Variants in PRKAG2 observed in about 807,000 individuals in gnomAD.
PRKAG2 encodes the protein protein kinase AMP-activated non-catalytic subunit gamma 2, also known as 5'-AMP-activated protein kinase subunit gamma-2.
PRKAG2 carries 26 observed loss-of-function variants against 69.6 expected under a neutral mutation model. The observed-to-expected ratio is 0.37, with a 90% CI of 0.27 to 0.52. The LOEUF is 0.52. Ranked by LOEUF, PRKAG2 falls within the 20% of genes least tolerant of loss-of-function variation. The pLI is 0.90. For missense variants in PRKAG2, 557 were observed against 740.0 expected (o/e 0.75, Z 2.87); for synonymous variants, 293 against 285.0 (o/e 1.03, Z -0.28).
chr7:151,558,608 C>T (rs1049942608), intron 15 of PRKAG2: 7 of 955,540 alleles, frequency 7.3e-6, no homozygotes, highest in Middle Eastern at 5.3e-4. Flanking sequence ...CCCTGAGTTC[C>T]ACTCCAAAAG....
intron 1 of PRKAG2, among the ~76,000 whole-genome samples, chr7:151,796,544 G>A (rs773434036): frequency 5.3e-5 from 8 of 152,120 alleles, no homozygotes; most frequent in Non-Finnish European, 7.3e-5. Flanking sequence ...TCTTGCCTTC[G>A]CACGCTGGGT....
intron 4 of PRKAG2, among the ~76,000 whole-genome samples, chr7:151,643,631 A>C (rs1215190029): frequency 6.6e-6 from 1 of 152,236 alleles, no homozygotes; most frequent in Non-Finnish European, 1.5e-5. Flanking sequence ...CATCTTCTAC[A>C]TTCTGGAGAC....
chr7:151,623,634 C>T (rs1163973485), intron 5 of PRKAG2, among the ~76,000 whole-genome samples: 1 of 152,146 alleles, frequency 6.6e-6, no homozygotes, highest in Non-Finnish European at 1.5e-5. Context: ...CACATATAAT[C>T]CTCCTGGCTA....
chr7:151,569,699 A>T (rs1307836944), intron 10 of PRKAG2, among the ~76,000 whole-genome samples: 1 of 152,234 alleles, frequency 6.6e-6, no homozygotes, highest in Non-Finnish European at 1.5e-5. Flanking sequence ...TCACAGCCAA[A>T]CCAGAAGGCT....
At position 151,856,345 on chromosome 7, in the gene PRKAG2, G is replaced by A. The variant is rs560928928; in HGVS notation, c.114+20162C>T. Among the ~76,000 whole-genome samples, 27 of 152,370 alleles carry A rather than the reference G, an allele frequency of 1.8e-4. No homozygotes were observed. The East Asian group carries it at 4.8e-3, about 27-fold the overall frequency. On this transcript the variant is annotated intron_variant, in intron 1 of 15. Transcript: ENST00000287878. ...TTCCAAGGCCCGCGCAGCCGAGGAC[G>A]CAAGCACAGGTGCCACGAGCACGCT... is the stretch of plus-strand genomic sequence containing the variant.
intron 6 of PRKAG2, among the ~76,000 whole-genome samples, chr7:151,578,675 G>A (rs1809598079): frequency 6.6e-6 from 1 of 152,220 alleles, no homozygotes; most frequent in African/African-American, 2.4e-5. Context: ...ATGAGGAAAT[G>A]AGTAGAGCCA....
chr7:151,852,936 G>T (rs527586211), intron 1 of PRKAG2, among the ~76,000 whole-genome samples: 2 of 152,336 alleles, frequency 1.3e-5, no homozygotes, highest in African/African-American at 4.8e-5. Context: ...TGGCAGGGCC[G>T]CAGCTCAACG....
At chr7:151,803,739 TC>T (rs974696419) in intron 1 of PRKAG2, among the ~76,000 whole-genome samples, 3 of 150,942 alleles carry the variant, frequency 2.0e-5, no homozygotes, top group African/African-American at 7.3e-5. Context: ...AGTAAATTCA[TC>T]CAGCTTGGCC....
rs73470755 is a variant in PRKAG2, at chr7:151,863,861, A to G, written c.114+12646T>C. 3.0e-3 allele frequency among the ~76,000 whole-genome samples: 448 copies of G among 151,508 alleles called. 5 individuals are homozygous for G. Among genetic ancestry groups the G allele is most frequent in the African/African-American group, 9.3e-3 (384 of 41,260 alleles). ...AGGAGTTCCAGGCAGCAGTGTTCGC[A>G]CCACCGCACTCCAGCCTGGACTACA... On this transcript the variant is annotated intron_variant, in intron 1 of 15. Transcript: ENST00000287878.
Position 151,850,154 on chromosome 7 carries a change from G to C in PRKAG2, c.114+26353C>G, listed in dbSNP as rs1162272579. ...CAGTGTCTGCAGAAAGAAGCGGGAG[G>C]GGGGTGCAGGGGAACCGTAGCACCA... On this transcript the variant is annotated intron_variant, in intron 1 of 15. Coordinates refer to ENST00000287878, the MANE Select transcript of PRKAG2 (RefSeq NM_016203.4). The surrounding 1 kb of genome is among the most constrained non-coding windows in gnomAD (Gnocchi z 4.1). 6.6e-6 allele frequency among the ~76,000 whole-genome samples: 1 copy of C among 152,122 alleles called. No homozygotes were observed. The highest frequency in any genetic ancestry group is 2.4e-5 in the African/African-American group (1 of 41,420).
At chr7:151,808,494 T>G (rs996630763) in intron 1 of PRKAG2, among the ~76,000 whole-genome samples, 1 of 151,898 alleles carries the variant, frequency 6.6e-6, no homozygotes, top group Non-Finnish European at 1.5e-5. Context: ...TGGTCCAAAG[T>G]GCACACAAGG....
Position 151,788,219 on chromosome 7 carries a change from A to G in PRKAG2, c.115-1678T>C, listed in dbSNP as rs2077107805. Among the ~76,000 whole-genome samples the G allele has an allele frequency of 2.0e-5, 3 of 152,188 alleles. No homozygotes were observed. Among genetic ancestry groups the G allele is most frequent in the Non-Finnish European group, 1.5e-5 (1 of 68,026 alleles). On this transcript the variant is annotated intron_variant, in intron 1 of 15. Coordinates refer to ENST00000287878, the MANE Select transcript of PRKAG2 (RefSeq NM_016203.4). This position sits in a 1 kb window ranked among gnomAD's most constrained non-coding sequence, Gnocchi z 4.6. ...CACCCCATTTTACTTTCCCACCCAC[A>G]GTACACAGGGTTTCAATTTCTCCAC...
intron 4 of PRKAG2, among the ~76,000 whole-genome samples, chr7:151,644,142 G>A (rs1013905962): frequency 4.6e-5 from 7 of 152,062 alleles, no homozygotes; most frequent in Non-Finnish European, 8.8e-5. Context: ...TATACTGCTC[G>A]GGTGATGGAT....
Position 151,775,177 on chromosome 7 carries a change from T to C in PRKAG2, c.466+5975A>G, listed in dbSNP as rs146877878. Reference sequence around the variant, plus strand: ...GGAGGGTGGGATGCCACAGTCCCCTTTGGATTGCCAACTGGACCTCTTATC... The same window carrying C: ...GGAGGGTGGGATGCCACAGTCCCCTCTGGATTGCCAACTGGACCTCTTATC... On this transcript the variant is annotated intron_variant, in intron 3 of 15. Coordinates refer to ENST00000287878, the MANE Select transcript of PRKAG2 (RefSeq NM_016203.4). 6.6e-3 allele frequency among the ~76,000 whole-genome samples: 1,007 copies of C among 152,326 alleles called. 12 individuals carry two copies. The highest frequency in any genetic ancestry group is 0.023 in the African/African-American group (958 of 41,558).
At chr7:151,673,944 C>A (rs76722299) in intron 4 of PRKAG2, among the ~76,000 whole-genome samples, 3 of 151,148 alleles carry the variant, frequency 2.0e-5, no homozygotes, top group African/African-American at 7.3e-5. Context: ...TGGGTTCCCA[C>A]GGTTCTCATG....
chr7:151,599,946 C>T (rs1815641325), intron 5 of PRKAG2, among the ~76,000 whole-genome samples: 1 of 152,204 alleles, frequency 6.6e-6, no homozygotes, highest in Non-Finnish European at 1.5e-5. Context: ...TCCATCAGTG[C>T]TCTGCTGTCT....
chr7:151,592,614 T>A (rs1232062208), intron 6 of PRKAG2, among the ~76,000 whole-genome samples: 2 of 152,242 alleles, frequency 1.3e-5, no homozygotes, highest in African/African-American at 2.4e-5. Context: ...ACGGCTCTGA[T>A]GACGTCGTAT....
chr7:151,706,348 GC>G (rs1563482552), intron 3 of PRKAG2, among the ~76,000 whole-genome samples: 1 of 152,332 alleles, frequency 6.6e-6, no homozygotes, highest in East Asian at 1.9e-4. Flanking sequence ...CCCACTCATA[GC>G]CCAGGACTGG....
Position 151,560,583 on chromosome 7 carries a change from C to T in PRKAG2, c.1619G>A (p.Ser540Asn), listed in dbSNP as rs1418088450. ...HRLVVVNEAD[S>N]IVGIISLSDI... ...CGACAGGGAAATAATACCCACAATA[C>T]TATCTGCTTCATTTACCACCACCAG... Residue 540 changes from serine to asparagine, a missense_variant, in exon 15 of 16, where the codon AGT (serine) becomes AAT (asparagine). Transcript: ENST00000287878. 6.2e-7 allele frequency: 1 copy of T among 1,613,952 alleles called. No individual in the cohort carries two copies. The highest frequency in any genetic ancestry group is 1.3e-5 in the African/African-American group (1 of 75,036).
Sources: gnomAD v4.1 joint callset for allele counts (sites outside exome capture counted in the v4.1 genomes callset) on GRCh38, gnomAD v4.1.1 for gene constraint, Gnocchi (gnomAD v3.1) non-coding constraint, MANE v1.5 for transcripts, NCBI Gene and HGNC (gene_info 2026-07-23, HGNC 2026-07-21) for gene names.